PIP5K1B: variants seen among roughly 807,000 people sequenced by gnomAD.
PIP5K1B encodes phosphatidylinositol-4-phosphate 5-kinase type 1 beta.
Under a neutral mutation model 67.0 loss-of-function variants are expected in PIP5K1B, and 42 were observed. The ratio of observed to expected loss-of-function variants is 0.63; its 90% CI spans 0.49 to 0.81. The LOEUF (loss-of-function observed/expected upper bound fraction) is 0.81. Ranked by LOEUF, PIP5K1B falls within the 30% of genes least tolerant of loss-of-function variation. The pLI, the probability that PIP5K1B is intolerant of heterozygous loss-of-function variation, is 0.00. For missense variants in PIP5K1B, 459 were observed against 646.3 expected, an observed-to-expected ratio of 0.71 and a Z score of 3.14; for synonymous variants, 214 against 231.4, an observed-to-expected ratio of 0.92 and a Z score of 0.68.
intron 4 of PIP5K1B, among the ~76,000 whole-genome samples, chr9:68,857,959 TTTGTTGTTGTTG>T (rs71353086): frequency 7.6e-4 from 113 of 149,424 alleles, no homozygotes; most frequent in African/African-American, 2.6e-3. Context: ...CTCTTGCTGT[TTTGTTGTTGTTG>T]TTGTTGTTGT....
chr9:68,943,157 G>T (rs745644447), intron 14 of PIP5K1B, among the ~76,000 whole-genome samples: 12 of 152,098 alleles, frequency 7.9e-5, no homozygotes, highest in Non-Finnish European at 1.6e-4. Flanking sequence ...CAGTGTCTTC[G>T]TCACCATATA....
At chr9:68,952,986 C>T (rs1828175163) in intron 14 of PIP5K1B, among the ~76,000 whole-genome samples, 1 of 152,068 alleles carries the variant, frequency 6.6e-6, no homozygotes, top group Admixed American at 6.6e-5. Context: ...GCATGCTAAG[C>T]ACTCAGGGGA....
At chr9:68,878,960 G>A (rs1024845980) in intron 6 of PIP5K1B, among the ~76,000 whole-genome samples, 1 of 152,146 alleles carries the variant, frequency 6.6e-6, no homozygotes, top group Non-Finnish European at 1.5e-5. Flanking sequence ...GTTTTCGAAA[G>A]GACATTTAGT....
At chr9:68,718,404 C>T (rs1827729666) in intron 1 of PIP5K1B, among the ~76,000 whole-genome samples, 1 of 152,178 alleles carries the variant, frequency 6.6e-6, no homozygotes, top group South Asian at 2.1e-4. Flanking sequence ...AAAACAATCT[C>T]TGACTTTAAA....
chr9:68,739,674 G>T (rs1349482600), intron 1 of PIP5K1B, among the ~76,000 whole-genome samples: 1 of 152,138 alleles, frequency 6.6e-6, no homozygotes, highest in African/African-American at 2.4e-5. Flanking sequence ...TTCTCCTCCA[G>T]CTCCTTCCAC....
intron 14 of PIP5K1B, among the ~76,000 whole-genome samples, chr9:68,944,053 A>T (rs912352220): frequency 3.3e-5 from 5 of 152,210 alleles, no homozygotes; most frequent in African/African-American, 1.2e-4. Flanking sequence ...GAAAGAAAAA[A>T]AAATAGTATC....
chr9:68,806,681 C>T (rs554526192), intron 2 of PIP5K1B, among the ~76,000 whole-genome samples: 1 of 152,300 alleles, frequency 6.6e-6, no homozygotes, highest in South Asian at 2.1e-4. Context: ...CCCTTCTCCA[C>T]GCCTGCTCCT....
At chr9:68,981,224 G>T (rs1430252906) in intron 14 of PIP5K1B, among the ~76,000 whole-genome samples, 1 of 152,154 alleles carries the variant, frequency 6.6e-6, no homozygotes, top group African/African-American at 2.4e-5. Flanking sequence ...AAAGGATACG[G>T]TGTGTGGTTG....
intron 2 of PIP5K1B, among the ~76,000 whole-genome samples, chr9:68,814,268 G>A (rs1167621928): frequency 1.3e-5 from 2 of 152,128 alleles, no homozygotes; most frequent in Admixed American, 6.5e-5. Context: ...TAGTCATTTT[G>A]CTTTCTTAAT....
At chr9:68,865,958 A>G (rs1040371766) in intron 5 of PIP5K1B, among the ~76,000 whole-genome samples, 2 of 152,204 alleles carry the variant, frequency 1.3e-5, no homozygotes, top group Non-Finnish European at 2.9e-5. Context: ...CAACTAATAA[A>G]ACTCAAATCA....
chr9:68,756,589 CT>C (rs1829936067), intron 2 of PIP5K1B, among the ~76,000 whole-genome samples: 1 of 147,708 alleles, frequency 6.8e-6, no homozygotes, highest in South Asian at 2.2e-4. Context: ...TATCTTTCAC[CT>C]TGTTTGAGGA....
chr9:68,980,367 G>A (rs1829838473), intron 14 of PIP5K1B, among the ~76,000 whole-genome samples: 1 of 152,218 alleles, frequency 6.6e-6, no homozygotes, highest in Non-Finnish European at 1.5e-5. Flanking sequence ...GTATTTGTGG[G>A]TGTTCTCTGC....
At position 68,869,167 on chromosome 9, in the gene PIP5K1B, C is replaced by T. The variant is rs2132286148; in HGVS notation, c.200+5200C>T. Among the ~76,000 whole-genome samples, 2 of 152,212 alleles carry T rather than the reference C, an allele frequency of 1.3e-5. 1 individual carries two copies. The highest frequency in any genetic ancestry group is 3.9e-4 in the East Asian group (2 of 5,176). On this transcript the variant is annotated intron_variant, in intron 5 of 15. Coordinates refer to ENST00000265382, the MANE Select transcript of PIP5K1B (RefSeq NM_003558.4). The stretch of plus-strand genomic sequence containing the variant: ...CAATCCCTGGGCTGTGGACAAGTAC[C>T]AGTCCATGGCTTGTTAGGAAACCAG...
intron 4 of PIP5K1B, among the ~76,000 whole-genome samples, chr9:68,843,907 G>A (rs1372081976): frequency 6.6e-6 from 1 of 152,206 alleles, no homozygotes; most frequent in Non-Finnish European, 1.5e-5. Flanking sequence ...CTGCCAACAT[G>A]GGCCTGGGAA....
chr9:68,786,392 C>T (rs1831615633), intron 2 of PIP5K1B, among the ~76,000 whole-genome samples: 1 of 152,114 alleles, frequency 6.6e-6, no homozygotes, highest in Admixed American at 6.6e-5. Flanking sequence ...ATGAGAAAAC[C>T]AAGGCCATTT....
intron 14 of PIP5K1B, among the ~76,000 whole-genome samples, chr9:68,973,885 T>G (rs1323052009): frequency 3.9e-5 from 6 of 152,086 alleles, no homozygotes; most frequent in African/African-American, 1.4e-4. Context: ...ACAATTTTTT[T>G]CGGGGTAGGG....
chr9:68,938,032 T>A (rs1467560671), intron 13 of PIP5K1B, among the ~76,000 whole-genome samples: 5 of 152,222 alleles, frequency 3.3e-5, no homozygotes, highest in Non-Finnish European at 7.3e-5. Context: ...GTGATCAATT[T>A]TAGAATAAGT....
At chr9:69,000,021 CT>C (rs1333624277) in intron 15 of PIP5K1B, among the ~76,000 whole-genome samples, 4 of 152,168 alleles carry the variant, frequency 2.6e-5, no homozygotes, top group African/African-American at 9.7e-5. Context: ...GCTCCACCAC[CT>C]TTCAAGTTGG....
intron 4 of PIP5K1B, among the ~76,000 whole-genome samples, chr9:68,841,346 G>T (rs1381740486): frequency 6.6e-6 from 1 of 152,124 alleles, no homozygotes; most frequent in African/African-American, 2.4e-5. Flanking sequence ...TCATTTCCTG[G>T]ATTATTATGC....
Sources: gnomAD v4.1 joint callset for allele counts (sites outside exome capture counted in the v4.1 genomes callset) on GRCh38, gnomAD v4.1.1 for gene constraint, MANE v1.5 for transcripts, NCBI Gene and HGNC (gene_info 2026-07-23, HGNC 2026-07-21) for gene names.